SGCG: variants seen among roughly 807,000 people sequenced by gnomAD.
SGCG encodes gamma-sarcoglycan.
SGCG carries 26 observed loss-of-function variants against 29.3 expected under a neutral mutation model. The observed-to-expected ratio is 0.89, with a 90% CI of 0.65 to 1.23. SGCG has a LOEUF of 1.23. SGCG is among the 50% of genes most tolerant of loss of function. The pLI is 0.00. For missense variants in SGCG, 353 were observed against 356.0 expected, an observed-to-expected ratio of 0.99 and a Z score of 0.07; for synonymous variants, 145 against 129.7, an observed-to-expected ratio of 1.12 and a Z score of -0.80.
chr13:23,312,856 G>T lies in SGCG; in HGVS notation c.579-7781G>T, dbSNP rs75288961. 2.7e-4 allele frequency among the ~76,000 whole-genome samples: 41 copies of T among 152,112 alleles called. No homozygotes were observed. In the East Asian group the frequency reaches 7.7e-3, roughly 29 times the overall value. ...TGGTGTCTCCAAAAACATGTATTAG[G>T]TAATACTAGGAAATTTTTAAAGAAA... On this transcript the variant is annotated intron_variant, in intron 6 of 7. Coordinates refer to ENST00000218867, the MANE Select transcript of SGCG (RefSeq NM_000231.3).
intron 1 of SGCG, among the ~76,000 whole-genome samples, chr13:23,186,288 C>A (rs760485003): frequency 5.3e-5 from 8 of 152,192 alleles, no homozygotes; most frequent in Admixed American, 1.3e-4. Context: ...GGAATACCAG[C>A]AAATGCCTTG....
intron 4 of SGCG, among the ~76,000 whole-genome samples, chr13:23,276,036 C>A (rs988458364): frequency 6.6e-6 from 1 of 152,134 alleles, no homozygotes; most frequent in Non-Finnish European, 1.5e-5. Flanking sequence ...TTAACTTTTT[C>A]TCTTTGTACC....
At chr13:23,176,985 T>A (rs930341888), upstream of SGCG, among the ~76,000 whole-genome samples, 3 of 152,166 alleles carry the variant, frequency 2.0e-5, no homozygotes, top group Non-Finnish European at 4.4e-5. Flanking sequence ...GTTTTAACAG[T>A]AGATGAATGA....
chr13:23,268,292 C>T (rs1880719648), intron 4 of SGCG: 1 of 152,106 alleles, frequency 6.6e-6, no homozygotes, highest in African/African-American at 2.4e-5. Context: ...GGAATCAATG[C>T]TATAAAAAAA....
the SGCG span, among the ~76,000 whole-genome samples, chr13:23,168,002 G>C: frequency 1.3e-5 from 2 of 152,246 alleles, no homozygotes; most frequent in African/African-American, 4.8e-5. Flanking sequence ...CTCCCAAAGT[G>C]CTGAGATTAC....
At chr13:23,174,190 C>T in the SGCG span, among the ~76,000 whole-genome samples, 1 of 152,048 alleles carries the variant, frequency 6.6e-6, no homozygotes, top group Non-Finnish European at 1.5e-5. Context: ...AACAATTAGC[C>T]CAGCTCAAGA....
intron 2 of SGCG, among the ~76,000 whole-genome samples, chr13:23,229,956 T>C (rs1879043768): frequency 1.3e-5 from 2 of 152,236 alleles, no homozygotes; most frequent in South Asian, 4.1e-4. Flanking sequence ...GAGTTGATTT[T>C]TTTTATATGG....
rs576903751 is a variant in SGCG, at chr13:23,203,665, C to G, written c.1-30C>G. On this transcript the variant is annotated intron_variant, in intron 1 of 7. Transcript: ENST00000218867. ...CCTCATTCCCTCTCTGTCTCTTTCT[C>G]TCTCCTCTCGTGAACACACTCCGTG... 4.5e-6 allele frequency: 7 copies of G among 1,568,142 alleles called. No individual in the cohort carries two copies. The South Asian group carries it at 5.7e-5, about 13-fold the overall frequency.
intron 3 of SGCG, among the ~76,000 whole-genome samples, chr13:23,250,077 T>C (rs1462720520): frequency 3.9e-5 from 6 of 152,252 alleles, no homozygotes; most frequent in Non-Finnish European, 7.4e-5. Context: ...TATTTTCTAA[T>C]GTCTTAAGCT....
rs893769537 is a variant in SGCG at position 23,261,986 on chromosome 13, C to G, written c.385+11269C>G. Among the ~76,000 whole-genome samples the G allele has an allele frequency of 3.3e-5, 5 of 151,934 alleles. No homozygotes were observed. The South Asian group carries it at 6.2e-4, about 19-fold the overall frequency. On this transcript the variant is annotated intron_variant, in intron 4 of 7. Coordinates refer to ENST00000218867, the MANE Select transcript of SGCG (RefSeq NM_000231.3). ...TGGAATTTGTCAGCACTAGACTAAC[C>G]CTAAAAGAAATGCTGAAAGGAATTC...
intron 5 of SGCG, among the ~76,000 whole-genome samples, chr13:23,286,361 C>G (rs1881495542): frequency 6.6e-6 from 1 of 152,122 alleles, no homozygotes; most frequent in South Asian, 2.1e-4. Flanking sequence ...AACAAAAGAC[C>G]AGGAAAGTTA....
chr13:23,176,731 G>A (rs1224613445), upstream of SGCG, among the ~76,000 whole-genome samples: 1 of 152,044 alleles, frequency 6.6e-6, no homozygotes, highest in African/African-American at 2.4e-5. Flanking sequence ...TTACATGGAA[G>A]GTTATTGTCG....
At chr13:23,283,327 A>C (rs1408835651) in intron 5 of SGCG, among the ~76,000 whole-genome samples, 1 of 152,158 alleles carries the variant, frequency 6.6e-6, no homozygotes, top group African/African-American at 2.4e-5. Context: ...TATATTTAGG[A>C]TAGTTAGCTC....
At chr13:23,218,155 G>C (rs1878503181) in intron 2 of SGCG, among the ~76,000 whole-genome samples, 1 of 152,188 alleles carries the variant, frequency 6.6e-6, no homozygotes, top group African/African-American at 2.4e-5. Context: ...ATGCAACCCA[G>C]AGAATTAAAG....
intron 5 of SGCG, among the ~76,000 whole-genome samples, chr13:23,283,745 G>A (rs887430883): frequency 2.0e-5 from 3 of 152,180 alleles, no homozygotes; most frequent in African/African-American, 7.2e-5. Flanking sequence ...TTTTGCAGTG[G>A]CTGGTACCGG....
rs137956708 is a variant in SGCG, at chr13:23,224,566, T to C, written c.196-10045T>C. Among the ~76,000 whole-genome samples, 37 of 152,128 alleles carry C rather than the reference T, an allele frequency of 2.4e-4. No individual in the cohort carries two copies. In the East Asian group the frequency reaches 7.2e-3, roughly 29 times the overall value. ...TTGGAAAAATTAGATCTCATTTATC[T>C]TTACTTCTAGCCCAGAGTGAGCCTA... On this transcript the variant is annotated intron_variant, in intron 2 of 7. Transcript: ENST00000218867.
At chr13:23,187,247 G>A (rs973850657) in intron 1 of SGCG, among the ~76,000 whole-genome samples, 2 of 152,130 alleles carry the variant, frequency 1.3e-5, no homozygotes, top group African/African-American at 2.4e-5. Flanking sequence ...TACAGTGGAC[G>A]GCTTGGAGGC....
intron 6 of SGCG, among the ~76,000 whole-genome samples, chr13:23,319,888 T>A (rs1414497754): frequency 6.6e-6 from 1 of 152,212 alleles, no homozygotes; most frequent in Non-Finnish European, 1.5e-5. Context: ...GCTCTTATAT[T>A]TTTGGTTCTC....
intron 6 of SGCG, among the ~76,000 whole-genome samples, chr13:23,311,337 T>A (rs1882592662): frequency 1.3e-5 from 2 of 152,226 alleles, no homozygotes; most frequent in African/African-American, 4.8e-5. Context: ...CTTCTTCAGT[T>A]CTTCAGTTTC....
Sources: gnomAD v4.1 joint callset for allele counts (sites outside exome capture counted in the v4.1 genomes callset) on GRCh38, gnomAD v4.1.1 for gene constraint, MANE v1.5 for transcripts, NCBI Gene and HGNC (gene_info 2026-07-23, HGNC 2026-07-21) for gene names.